PCDHGA4: variants seen among roughly 807,000 people sequenced by gnomAD.
The protein encoded by PCDHGA4 is protocadherin gamma subfamily A, 4.
Under a neutral mutation model 54.6 loss-of-function variants are expected in PCDHGA4, and 38 were observed. The ratio of observed to expected loss-of-function variants is 0.70; its 90% CI spans 0.54 to 0.91. PCDHGA4 has a LOEUF of 0.91. PCDHGA4 is among the 40% of genes least tolerant of loss of function. The pLI is 0.00. For missense variants in PCDHGA4, 1,298 were observed against 1,220.9 expected (o/e 1.06, Z -0.94); for synonymous variants, 511 against 512.9 (o/e 1.00, Z 0.05).
At chr5:141,388,261 T>C in intron 1 of PCDHGA4, 1 of 1,611,348 alleles carries the variant, frequency 6.2e-7, no homozygotes. Flanking sequence ...ATCGAGGACA[T>C]TAATGACCAC....
intron 1 of PCDHGA4, chr5:141,382,806 C>G: frequency 9.1e-7 from 1 of 1,097,502 alleles, no homozygotes; most frequent in South Asian, 1.6e-5. Context: ...GGATTCTGAG[C>G]TCCCCTTCCT....
chr5:141,389,779 A>T (rs779598795), intron 1 of PCDHGA4: 1 of 1,613,298 alleles, frequency 6.2e-7, no homozygotes, highest in South Asian at 1.1e-5. Flanking sequence ...GCCTTAGGCG[A>T]CAGGGACGCC....
Position 141,355,439 on chromosome 5 carries a change from G to T in PCDHGA4, c.332G>T (p.Arg111Leu). The T allele has an allele frequency of 6.2e-7, 1 of 1,614,108 alleles. No homozygotes were observed. Among genetic ancestry groups the T allele is most frequent in the Non-Finnish European group, 8.5e-7 (1 of 1,179,934 alleles). The change falls in exon 1 of 4, where the codon CGC becomes CTC. Residue 111 changes from arginine (R) to leucine (L), a missense_variant. Arg to Leu is a moderately radical substitution (Grantham distance 102). Coordinates refer to ENST00000571252, the MANE Select transcript of PCDHGA4 (RefSeq NM_018917.4). ...ACGCAGCTTTTCGCCCTGAACCCGCGCAGCGGCACCTTGGTCACCGCGGGT... is the reference window on the plus strand; with the variant it reads ...ACGCAGCTTTTCGCCCTGAACCCGCTCAGCGGCACCTTGGTCACCGCGGGT... ...GRTQLFALNPRSGTLVTAGRI... is the reference protein window; with the variant it reads ...GRTQLFALNPLSGTLVTAGRI...
intron 1 of PCDHGA4, chr5:141,372,311 C>T (rs1768644192): frequency 1.2e-6 from 2 of 1,613,416 alleles, no homozygotes; most frequent in South Asian, 2.2e-5. Flanking sequence ...AGGCCGCCCG[C>T]CAGCGCCTGC....
At chr5:141,427,678 C>T in intron 1 of PCDHGA4, 1 of 822,634 alleles carries the variant, frequency 1.2e-6, no homozygotes, top group Non-Finnish European at 2.0e-6. Flanking sequence ...AACAACCTTC[C>T]CGGAGCCTCC....
chr5:141,427,435 T>G, intron 1 of PCDHGA4: 1 of 474,160 alleles, frequency 2.1e-6, no homozygotes, highest in Non-Finnish European at 4.2e-6. Context: ...ACATGCCTCA[T>G]AAACGAAAGA....
chr5:141,379,623 A>G (rs1775713746), intron 1 of PCDHGA4: 1 of 152,198 alleles, frequency 6.6e-6, no homozygotes, highest in African/African-American at 2.4e-5. Flanking sequence ...AACAAATAAA[A>G]TATTTCTCTG....
intron 1 of PCDHGA4, chr5:141,393,706 C>T: frequency 1.2e-6 from 2 of 1,613,798 alleles, no homozygotes; most frequent in African/African-American, 1.3e-5. Flanking sequence ...AATGAAAATA[C>T]TGGGGAAATA....
In PCDHGA4 at chr5:141,361,166, C is replaced by T. The variant is rs1471893315; in HGVS notation, c.2514+3545C>T. 3 of 1,613,940 alleles carry T rather than the reference C, an allele frequency of 1.9e-6. No homozygotes were observed. The Admixed American group carries it at 5.0e-5, about 27-fold the overall frequency. On this transcript the variant is annotated intron_variant, in intron 1 of 3. Coordinates refer to ENST00000571252, the MANE Select transcript of PCDHGA4 (RefSeq NM_018917.4). ...GAAATTCTTGATGACAACGATTGTG[C>T]ACCTGAAGTTATTGTGACTTCAGTA...
chr5:141,452,133 A>C (rs2098734490), intron 1 of PCDHGA4, among the ~76,000 whole-genome samples: 1 of 152,136 alleles, frequency 6.6e-6, no homozygotes, highest in Admixed American at 6.5e-5. Flanking sequence ...TATATGGCTC[A>C]TGTGTTTTTT....
chr5:141,364,678 T>G (rs758125696), intron 1 of PCDHGA4: 4 of 1,613,814 alleles, frequency 2.5e-6, no homozygotes, highest in Non-Finnish European at 3.4e-6. Flanking sequence ...AAATGAAAAT[T>G]TATGGAGTAG....
At position 141,491,686 on chromosome 5, in the gene PCDHGA4, C is replaced by CG; in HGVS notation, c.2515-3118dup. 1 of 1,612,970 alleles carries CG rather than the reference C, an allele frequency of 6.2e-7. No individual in the cohort carries two copies. The highest frequency in any genetic ancestry group is 2.2e-5 in the East Asian group (1 of 44,838). ...CATCCGGTCCCGCTCTAATACGCTG[C>CG]GGGAGCGGAGCCAGGTGAGGGGCTC... On this transcript the variant is annotated intron_variant, in intron 1 of 3. Transcript: ENST00000571252. The surrounding 1 kb of genome is among the most constrained non-coding windows in gnomAD (Gnocchi z 6.9).
In PCDHGA4 at chr5:141,414,479, C is replaced by G. The variant is rs752879517; in HGVS notation, c.2514+56858C>G. The G allele has an allele frequency of 3.1e-6, 5 of 1,613,906 alleles. No homozygotes were observed. The highest frequency in any genetic ancestry group is 1.3e-5 in the African/African-American group (1 of 75,040). Reference sequence around the variant, plus strand: ...ACAGCCACAGATGGGGGAAGTCCTCCTCTATCAACGGAAGCTCACTTTATG... The same window carrying G: ...ACAGCCACAGATGGGGGAAGTCCTCGTCTATCAACGGAAGCTCACTTTATG... On this transcript the variant is annotated intron_variant, in intron 1 of 3. Coordinates refer to ENST00000571252, the MANE Select transcript of PCDHGA4 (RefSeq NM_018917.4).
Position 141,355,841 on chromosome 5 carries a change from C to A in PCDHGA4, c.734C>A (p.Ala245Asp), listed in dbSNP as rs1266019965. ...GCGGTTCACCACCTCGTTCTCACGG[C>A]CTTCGATGGAGGTGACCCGGTTCGC... ...EEAVHHLVLT[A>D]FDGGDPVRSG... The change falls in exon 1 of 4, where the codon GCC becomes GAC. Residue 245 changes from alanine (A) to aspartate (D), a missense_variant. Physicochemically the swap from Ala to Asp is moderately radical, Grantham distance 126. Coordinates refer to ENST00000571252, the MANE Select transcript of PCDHGA4 (RefSeq NM_018917.4). The A allele has an allele frequency of 1.2e-6, 2 of 1,612,290 alleles. No homozygotes were observed. Among genetic ancestry groups the A allele is most frequent in the East Asian group, 4.5e-5 (2 of 44,842 alleles).
chr5:141,468,903 C>T (rs1265804352), intron 1 of PCDHGA4, among the ~76,000 whole-genome samples: 1 of 151,614 alleles, frequency 6.6e-6, no homozygotes, highest in Non-Finnish European at 1.5e-5. Context: ...CTAATATGAT[C>T]CAGACTAGAA....
chr5:141,480,390 T>C (rs753766736), intron 1 of PCDHGA4, among the ~76,000 whole-genome samples: 14 of 151,350 alleles, frequency 9.3e-5, no homozygotes, highest in Non-Finnish European at 1.9e-4. Flanking sequence ...ACTTCAACCA[T>C]GGCAATAGAG....
intron 1 of PCDHGA4, chr5:141,428,587 G>T: frequency 4.4e-6 from 1 of 226,768 alleles, no homozygotes; most frequent in Non-Finnish European, 8.9e-6. Context: ...AGTTTCTCTG[G>T]TAGCAAGCTT....
chr5:141,374,711 C>G (rs1770761999), intron 1 of PCDHGA4: 7 of 1,609,366 alleles, frequency 4.3e-6, no homozygotes, highest in Non-Finnish European at 5.1e-6. Flanking sequence ...CGTTTACCGC[C>G]TGGTCCTTAC....
intron 1 of PCDHGA4, chr5:141,426,778 C>A (rs780981970): frequency 2.2e-6 from 1 of 456,716 alleles, no homozygotes; most frequent in South Asian, 1.5e-5. Context: ...GGGCCTCACT[C>A]TCTCCAGAGT....
Sources: allele counts gnomAD v4.1 joint callset (sites outside exome capture counted in the v4.1 genomes callset), GRCh38; gene constraint gnomAD v4.1.1; non-coding constraint Gnocchi (gnomAD v3.1); transcripts MANE v1.5; gene names NCBI Gene and HGNC (gene_info 2026-07-23, HGNC 2026-07-21).